WWC1: variants seen among roughly 807,000 people sequenced by gnomAD.
WWC1 encodes the protein WW and C2 domain containing 1.
Under a neutral mutation model 138.4 loss-of-function variants are expected in WWC1, and 55 were observed. The ratio of observed to expected loss-of-function variants is 0.40; its 90% confidence interval spans 0.32 to 0.50. The LOEUF is 0.50. Among genes scored for constraint, WWC1 ranks in the 20% least tolerant of loss-of-function variants. The probability of loss-of-function intolerance (pLI) is 0.72; values close to 1 mark genes in which losing one functional copy is unlikely to be tolerated. For missense variants in WWC1, 1,226 were observed against 1,420.4 expected (o/e 0.86, Z 2.20); for synonymous variants, 524 against 564.9 (o/e 0.93, Z 1.03).
In WWC1 at chr5:168,414,482, C is replaced by T. The variant is rs1396270189; in HGVS notation, c.1076C>T (p.Pro359Leu). 6 of 1,563,190 alleles carry T rather than the reference C, an allele frequency of 3.8e-6. No individual in the cohort carries two copies. Among genetic ancestry groups the T allele is most frequent in the Middle Eastern group, 1.7e-4 (1 of 5,824 alleles). The change falls in exon 9 of 23, where the codon CCC (proline) becomes CTC (leucine). Residue 359 changes from proline to leucine, a missense_variant. By Grantham distance (98) the Pro-to-Leu change is moderately conservative. Coordinates refer to ENST00000265293, the MANE Select transcript of WWC1 (RefSeq NM_015238.3). ...CTGAAGGAGATGCGCTTCATCAGCC[C>T]CCGCAAGTGGACCCAGGGGGAGGTG... ...ELLKEMRFIS[P>L]RKWTQGEVEQ... is the part of the protein sequence containing the mutation.
At chr5:168,331,620 C>T (rs1239301951) in intron 1 of WWC1, among the ~76,000 whole-genome samples, 1 of 152,186 alleles carries the variant, frequency 6.6e-6, no homozygotes, top group African/African-American at 2.4e-5. Context: ...ATGCTGTTGG[C>T]CATTGCTATC....
intron 20 of WWC1, among the ~76,000 whole-genome samples, chr5:168,462,770 T>C (rs1756927101): frequency 6.6e-6 from 1 of 152,262 alleles, no homozygotes; most frequent in Non-Finnish European, 1.5e-5. Context: ...GCCTGGGCCC[T>C]TGGGCACTGC....
intron 1 of WWC1, among the ~76,000 whole-genome samples, chr5:168,348,061 C>T (rs1211389869): frequency 6.6e-6 from 1 of 152,208 alleles, no homozygotes; most frequent in Non-Finnish European, 1.5e-5. Flanking sequence ...TGTATGCAAG[C>T]ACTGTGCAAA....
At chr5:168,464,603 A>G (rs2152894903) in intron 20 of WWC1, 126 bp from the exon 21 acceptor site, 1 of 1,434,470 alleles carries the variant, frequency 7.0e-7, no homozygotes, top group Non-Finnish European at 9.3e-7. Flanking sequence ...TTCCCAGGGA[A>G]GGGCAAGCCC....
intron 1 of WWC1, among the ~76,000 whole-genome samples, chr5:168,367,407 C>G (rs1200717327): frequency 5.3e-5 from 8 of 151,952 alleles, no homozygotes; most frequent in Non-Finnish European, 1.2e-4. Flanking sequence ...TCTCGGCTCA[C>G]TGCAAGCTCC....
chr5:168,324,479 G>A (rs957299313), intron 1 of WWC1, among the ~76,000 whole-genome samples: 1 of 152,026 alleles, frequency 6.6e-6, no homozygotes, highest in South Asian at 2.1e-4. Flanking sequence ...GATGATATCA[G>A]GTGGAAACTT....
At chr5:168,465,078 G>T in intron 21 of WWC1, 116 bp downstream of exon 21, 1 of 1,424,228 alleles carries the variant, frequency 7.0e-7, no homozygotes, top group Non-Finnish European at 9.3e-7. Flanking sequence ...CCCACCACAG[G>T]TTCCACTGAG....
intron 9 of WWC1, chr5:168,414,791 T>C: frequency 1.3e-6 from 1 of 742,256 alleles, no homozygotes; most frequent in Non-Finnish European, 2.1e-6. Flanking sequence ...CCCTGGAATT[T>C]TGCATGGTGA....
rs116416218 is a variant in WWC1, at chr5:168,364,553, G to A, written c.120-6871G>A. 5.7e-3 allele frequency among the ~76,000 whole-genome samples: 875 copies of A among 152,314 alleles called. 11 individuals carry two copies. Among genetic ancestry groups the A allele is most frequent in the African/African-American group, 0.02 (829 of 41,566 alleles). On this transcript the variant is annotated intron_variant, in intron 1 of 22. Transcript: ENST00000265293. ...TTCCCCGGCCAGACCCTCTGCCCCT[G>A]GAAGCAGAAACATGGCTTCTTCAAG...
intron 5 of WWC1, among the ~76,000 whole-genome samples, chr5:168,404,392 G>A (rs533449678): frequency 3.9e-5 from 6 of 152,238 alleles, no homozygotes; most frequent in Admixed American, 2.0e-4. Context: ...TAGGCCTGCC[G>A]AGGCCCGAGT....
chr5:168,420,994 C>T (rs548668548), intron 9 of WWC1, among the ~76,000 whole-genome samples: 1 of 152,328 alleles, frequency 6.6e-6, no homozygotes, highest in South Asian at 2.1e-4. Context: ...CCTTAAATTT[C>T]TCTACTAGTC....
chr5:168,311,385 A>G (rs991478234), intron 1 of WWC1, among the ~76,000 whole-genome samples: 1 of 152,174 alleles, frequency 6.6e-6, no homozygotes, highest in Admixed American at 6.5e-5. Context: ...GGGCTGCAAC[A>G]GGGAGGTGTG....
chr5:168,438,731 G>A lies in WWC1; in HGVS notation c.2281-2951G>A, dbSNP rs145165508. Among the ~76,000 whole-genome samples, 104 of 151,804 alleles carry A rather than the reference G, an allele frequency of 6.9e-4. 1 individual carries two copies. Among genetic ancestry groups the A allele is most frequent in the African/African-American group, 2.4e-3 (99 of 41,382 alleles). On this transcript the variant is annotated intron_variant, in intron 15 of 22. Coordinates refer to ENST00000265293, the MANE Select transcript of WWC1 (RefSeq NM_015238.3). ...ACCAGGGCTCATTTTTGCACATGTCGAAACAATAAAGCCTCTGAGGAATGA... is the reference window on the plus strand; with the variant it reads ...ACCAGGGCTCATTTTTGCACATGTCAAAACAATAAAGCCTCTGAGGAATGA...
chr5:168,341,761 C>G (rs1455613170), intron 1 of WWC1, among the ~76,000 whole-genome samples: 1 of 151,942 alleles, frequency 6.6e-6, no homozygotes, highest in Non-Finnish European at 1.5e-5. Flanking sequence ...ACACACCTGC[C>G]AGGTGTTCAG....
intron 1 of WWC1, among the ~76,000 whole-genome samples, chr5:168,354,459 A>G (rs1161631004): frequency 3.3e-5 from 5 of 152,344 alleles, no homozygotes; most frequent in East Asian, 1.9e-4. Context: ...ATTAAGGAAA[A>G]GCAAAATTTA....
At chr5:168,423,359 T>C (rs1314346438) in intron 10 of WWC1, among the ~76,000 whole-genome samples, 174 bp from the exon 11 acceptor site, 1 of 152,088 alleles carries the variant, frequency 6.6e-6, no homozygotes, top group Admixed American at 6.5e-5. Flanking sequence ...CATGTCTTGA[T>C]TATGTGGCCT....
chr5:168,410,821 T>C (rs960543125), intron 8 of WWC1, among the ~76,000 whole-genome samples: 21 of 152,162 alleles, frequency 1.4e-4, no homozygotes, highest in Non-Finnish European at 2.8e-4. Flanking sequence ...TATCTTATTA[T>C]CTCCATGTTA....
chr5:168,322,873 G>A (rs728668), intron 1 of WWC1, among the ~76,000 whole-genome samples: 16,996 of 152,130 alleles, frequency 0.11, 1,306 homozygotes, highest in Non-Finnish European at 0.15. Context: ...AGAAGATTAA[G>A]CTGATCGGCC....
chr5:168,392,633 C>T (rs1006941253), intron 3 of WWC1, among the ~76,000 whole-genome samples: 2 of 152,148 alleles, frequency 1.3e-5, no homozygotes, highest in Non-Finnish European at 2.9e-5. Flanking sequence ...TTCAAGGTTA[C>T]AGTGAGCTAT....
Sources: allele counts gnomAD v4.1 joint callset (sites outside exome capture counted in the v4.1 genomes callset), GRCh38; gene constraint gnomAD v4.1.1; transcripts MANE v1.5; gene names NCBI Gene and HGNC (gene_info 2026-07-23, HGNC 2026-07-21).